The following FOXP1 variants were observed in gnomAD, a reference collection of about 807,000 sequenced individuals.
FOXP1 encodes forkhead box P1, also known as forkhead box protein P1.
A neutral mutation model predicts 98.2 loss-of-function variants in FOXP1; 15 were observed. That is an observed-to-expected ratio of 0.15 (90% confidence interval 0.10 to 0.24). The LOEUF is 0.24. Among genes scored for constraint, FOXP1 ranks in the 10% least tolerant of loss-of-function variants. FOXP1 has a pLI of 1.00. For synonymous variants in FOXP1, 371 were observed against 314.5 expected, an observed-to-expected ratio of 1.18 and a Z score of -1.90; for missense variants, 633 against 848.5, an observed-to-expected ratio of 0.75 and a Z score of 3.15.
chr3:71,475,841 C>T (rs2089783885), intron 3 of FOXP1, among the ~76,000 whole-genome samples: 1 of 139,788 alleles, frequency 7.2e-6, no homozygotes, highest in South Asian at 2.3e-4. Flanking sequence ...GACTCCACCT[C>T]AAAAAATAAA....
At chr3:71,062,481 A>G (rs72947411) in intron 7 of FOXP1, among the ~76,000 whole-genome samples, 5,398 of 152,266 alleles carry the variant, frequency 0.035, 345 homozygotes, top group African/African-American at 0.12. Context: ...TCCCTTCCAG[A>G]GAAAGAAGAA....
At chr3:71,329,187 G>A (rs541101500) in intron 4 of FOXP1, among the ~76,000 whole-genome samples, 2 of 151,856 alleles carry the variant, frequency 1.3e-5, no homozygotes, top group African/African-American at 2.4e-5. Flanking sequence ...GTCACCCACT[G>A]AGATAGCCTT....
At chr3:71,093,930 T>C (rs550365501) in intron 7 of FOXP1, among the ~76,000 whole-genome samples, 14 of 152,282 alleles carry the variant, frequency 9.2e-5, no homozygotes, top group Non-Finnish European at 1.8e-4. Context: ...CTCAGTAACA[T>C]TGTTCTCTAT....
At chr3:70,959,574 T>G (rs1041699364) in intron 20 of FOXP1, among the ~76,000 whole-genome samples, 183 bp from the exon 21 acceptor site, 8 of 152,224 alleles carry the variant, frequency 5.3e-5, no homozygotes, top group African/African-American at 1.9e-4. Flanking sequence ...ACATTTAATA[T>G]TCAGTTTCTG....
upstream of FOXP1, chr3:71,583,776 G>T: frequency 1.0e-6 from 1 of 986,592 alleles, no homozygotes; most frequent in South Asian, 4.5e-5. Context: ...CTCCGCTCCG[G>T]ACTAGCTTCC....
At chr3:71,412,547 G>C (rs1010886224) in intron 3 of FOXP1, among the ~76,000 whole-genome samples, 3 of 152,290 alleles carry the variant, frequency 2.0e-5, no homozygotes, top group Admixed American at 2.0e-4. Flanking sequence ...TGGGGCATAA[G>C]AACGCCCAAC....
chr3:71,327,525 C>T (rs1487112515), intron 4 of FOXP1, among the ~76,000 whole-genome samples: 1 of 149,792 alleles, frequency 6.7e-6, no homozygotes, highest in African/African-American at 2.4e-5. Context: ...GTAGCTGGGA[C>T]TACAGGCGCC....
intron 20 of FOXP1, among the ~76,000 whole-genome samples, chr3:70,964,548 T>G (rs1342703681): frequency 6.6e-6 from 1 of 152,252 alleles, no homozygotes; most frequent in Non-Finnish European, 1.5e-5. Flanking sequence ...ACGTTTGCTC[T>G]GAACTTCGTT....
In FOXP1 at chr3:71,136,600, C is replaced by T. The variant is rs551797571; in HGVS notation, c.181-23963G>A. Reference sequence around the variant, plus strand: ...CATAAAAATATGTACCATTAAGATACTGCATTTTCATATTCCTGTAATCAG... The same window carrying T: ...CATAAAAATATGTACCATTAAGATATTGCATTTTCATATTCCTGTAATCAG... On this transcript the variant is annotated intron_variant, in intron 6 of 20. Coordinates refer to ENST00000649528, the MANE Select transcript of FOXP1 (RefSeq NM_001349338.3). 1.2e-4 allele frequency among the ~76,000 whole-genome samples: 19 copies of T among 152,288 alleles called. No individual in the cohort carries two copies. The South Asian group carries it at 1.9e-3, about 15-fold the overall frequency.
intron 4 of FOXP1, among the ~76,000 whole-genome samples, chr3:71,323,681 A>G (rs969957330): frequency 6.6e-6 from 1 of 152,224 alleles, no homozygotes; most frequent in South Asian, 2.1e-4. Context: ...GATTCTAAAA[A>G]GCCAAGGCCT....
intron 2 of FOXP1, among the ~76,000 whole-genome samples, chr3:71,532,438 G>A (rs1031764113): frequency 1.3e-5 from 2 of 152,134 alleles, no homozygotes; most frequent in South Asian, 2.1e-4. Context: ...CCCAAAAGTG[G>A]ATGGTCCCAC....
chr3:71,579,618 TTTTTTTC>T lies in FOXP1; in HGVS notation c.-298+1924_-298+1930del, dbSNP rs1037811564. Among the ~76,000 whole-genome samples the T allele has an allele frequency of 6.4e-5, 9 of 140,034 alleles. No individual in the cohort carries two copies. In the East Asian group the frequency reaches 1.7e-3, roughly 27 times the overall value. 91.9% of individuals were successfully genotyped at this position (140,034 alleles called of 152,430 possible). Reference sequence around the variant, plus strand: ...TCATCACCAGAGATTTTTTTTTTCTTTTTTTTCTTTTTTCTTTTTTTTTTTTTTTTTG... The same window carrying T: ...TCATCACCAGAGATTTTTTTTTTCTTTTTTTTCTTTTTTTTTTTTTTTTTG... On this transcript the variant is annotated intron_variant, in intron 2 of 20. Coordinates refer to ENST00000649528, the MANE Select transcript of FOXP1 (RefSeq NM_001349338.3).
intron 3 of FOXP1, among the ~76,000 whole-genome samples, chr3:71,397,049 CACATATATATGTGTATATATAT>C (rs2081527579): frequency 4.8e-5 from 2 of 41,420 alleles, no homozygotes; most frequent in Admixed American, 5.5e-4. Flanking sequence ...TATATATATA[CACATATATATGTGTATATATAT>C]ATACATATAT....
intron 3 of FOXP1, among the ~76,000 whole-genome samples, chr3:71,384,293 A>G (rs1215048260): frequency 6.6e-6 from 1 of 152,220 alleles, no homozygotes. Flanking sequence ...TCTCTGATGC[A>G]AACTTCCTCC....
At chr3:71,017,605 C>T (rs182918923) in intron 11 of FOXP1, among the ~76,000 whole-genome samples, 1 of 151,856 alleles carries the variant, frequency 6.6e-6, no homozygotes, top group Non-Finnish European at 1.5e-5. Flanking sequence ...TAAATACTTT[C>T]TCATGTTCTC....
At chr3:70,970,568 A>AGCAGCCCG in intron 19 of FOXP1, 168 bp downstream of exon 19, 1 of 679,186 alleles carries the variant, frequency 1.5e-6, no homozygotes, top group Non-Finnish European at 2.7e-6. Context: ...CTAACGCTGA[A>AGCAGCCCG]GCAGCCCGAT....
chr3:70,997,121 C>T (rs970473751), intron 13 of FOXP1, among the ~76,000 whole-genome samples: 1 of 152,134 alleles, frequency 6.6e-6, no homozygotes, highest in Non-Finnish European at 1.5e-5. Flanking sequence ...CAGGTAATCC[C>T]CTCTAAAGGA....
chr3:71,063,054 A>T (rs2051768909), intron 7 of FOXP1, among the ~76,000 whole-genome samples: 1 of 152,248 alleles, frequency 6.6e-6, no homozygotes, highest in Admixed American at 6.5e-5. Flanking sequence ...GGGCTAATGC[A>T]GTACTAATGA....
chr3:71,503,865 G>C (rs1186648929), intron 2 of FOXP1, among the ~76,000 whole-genome samples: 2 of 152,100 alleles, frequency 1.3e-5, no homozygotes, highest in African/African-American at 4.8e-5. Context: ...GCTCATTAGG[G>C]GGTCAGGAGA....
Sources: allele counts gnomAD v4.1 joint callset (sites outside exome capture counted in the v4.1 genomes callset), GRCh38; gene constraint gnomAD v4.1.1; transcripts MANE v1.5; gene names NCBI Gene and HGNC (gene_info 2026-07-23, HGNC 2026-07-21).